The following WDR26 variants were observed in gnomAD, a reference collection of about 807,000 sequenced individuals.
WDR26 encodes WD repeat-containing protein 26.
A neutral mutation model predicts 84.1 loss-of-function variants in WDR26; 5 were observed. That is an observed-to-expected ratio of 0.06 (90% CI 0.03 to 0.13). The LOEUF is 0.13. Among genes scored for constraint, WDR26 ranks in the 10% least tolerant of loss-of-function variants. WDR26 has a pLI of 1.00. For missense variants in WDR26, 642 were observed against 974.9 expected, an observed-to-expected ratio of 0.66 and a Z score of 4.55; for synonymous variants, 415 against 389.6, an observed-to-expected ratio of 1.07 and a Z score of -0.77.
At chr1:224,407,151 A>AAAAAAAAAAAAATATATATATAT in intron 7 of WDR26, among the ~76,000 whole-genome samples, 2 of 11,874 alleles carry the variant, frequency 1.7e-4, no homozygotes, top group Non-Finnish European at 2.8e-4. Context: ...AAAAAAAAAA[A>AAAAAAAAAAAAATATATATATAT]ATATATATAT....
intron 4 of WDR26, 92 bp downstream of exon 4, chr1:224,424,426 G>A: frequency 6.7e-7 from 1 of 1,492,550 alleles, no homozygotes; most frequent in African/African-American, 1.4e-5. Flanking sequence ...TAAGAATTTA[G>A]CAATAATCAA....
intron 6 of WDR26, chr1:224,413,333 A>G: frequency 8.0e-7 from 1 of 1,243,792 alleles, no homozygotes; most frequent in Non-Finnish European, 1.0e-6. Context: ...TCAATTCACC[A>G]GTCTGAAACA....
At chr1:224,429,426 G>C (rs903373792) in intron 3 of WDR26, 1 of 152,012 alleles carries the variant, frequency 6.6e-6, no homozygotes, top group Non-Finnish European at 1.5e-5. Context: ...AAATAATTAC[G>C]TTTAAAGAAA....
At chr1:224,409,499 T>C (rs1168513128) in intron 7 of WDR26, among the ~76,000 whole-genome samples, 2 of 152,238 alleles carry the variant, frequency 1.3e-5, no homozygotes, top group Non-Finnish European at 2.9e-5. Flanking sequence ...CTTATTTACC[T>C]TTCATTGTTT....
rs566109435 is a variant in WDR26 at position 224,415,426 on chromosome 1, A to AAAC, written c.1319+2831_1319+2833dup. 4.6e-5 allele frequency among the ~76,000 whole-genome samples: 7 copies of AAAC among 151,296 alleles called. No homozygotes were observed. The South Asian group carries it at 1.0e-3, about 23-fold the overall frequency. On this transcript the variant is annotated intron_variant, in intron 6 of 13. Coordinates refer to ENST00000414423, the MANE Select transcript of WDR26 (RefSeq NM_001379403.1). ...GAAGTATAACTAAGGATGAGGGAAGAAACAATTCTGGAACACGTATTTCTT... is the reference window on the plus strand; with the variant it reads ...GAAGTATAACTAAGGATGAGGGAAGAAACAACAATTCTGGAACACGTATTTCTT...
chr1:224,419,660 T>C, intron 4 of WDR26, 45 bp from the exon 5 acceptor site: 2 of 1,460,206 alleles, frequency 1.4e-6, no homozygotes, highest in Non-Finnish European at 9.6e-7. Flanking sequence ...ACCCATTTCT[T>C]TGTAATAAAT....
chr1:224,433,400 G>A (rs1338481598), intron 1 of WDR26, among the ~76,000 whole-genome samples: 4 of 152,090 alleles, frequency 2.6e-5, no homozygotes, highest in African/African-American at 9.7e-5. Flanking sequence ...GTGGGGAGAA[G>A]TCATTCTTTG....
At chr1:224,414,526 T>G (rs933452634) in intron 6 of WDR26, among the ~76,000 whole-genome samples, 6 of 152,182 alleles carry the variant, frequency 3.9e-5, no homozygotes, top group African/African-American at 1.4e-4. Context: ...AATTCTTTAT[T>G]CTCCAGAAAA....
intron 4 of WDR26, among the ~76,000 whole-genome samples, chr1:224,423,828 G>A (rs188823650): frequency 2.0e-5 from 3 of 152,302 alleles, no homozygotes; most frequent in East Asian, 3.9e-4. Context: ...AGAGCCACTG[G>A]TATACAGATA....
chr1:224,400,505 C>T (rs367786069), intron 9 of WDR26, among the ~76,000 whole-genome samples: 3 of 152,072 alleles, frequency 2.0e-5, no homozygotes, highest in Non-Finnish European at 2.9e-5. Context: ...CGCTTGTCTA[C>T]GACGACAGCA....
At chr1:224,417,958 T>C (rs905104648) in intron 6 of WDR26, among the ~76,000 whole-genome samples, 5 of 152,198 alleles carry the variant, frequency 3.3e-5, no homozygotes, top group African/African-American at 1.2e-4. Flanking sequence ...AGTATTACCA[T>C]GATCTTTATG....
At chr1:224,412,236 A>G (rs572124948) in intron 6 of WDR26, among the ~76,000 whole-genome samples, 5 of 152,296 alleles carry the variant, frequency 3.3e-5, no homozygotes, top group African/African-American at 1.2e-4. Flanking sequence ...GATTAATAAT[A>G]TTTGGGGGGA....
intron 7 of WDR26, 39 bp downstream of exon 7, chr1:224,411,387 TC>T: frequency 6.5e-7 from 1 of 1,548,104 alleles, no homozygotes; most frequent in Non-Finnish European, 8.7e-7. Context: ...TTCAAAATTA[TC>T]CCCTTTTGTA....
chr1:224,385,270 T>C lies in WDR26; in HGVS notation c.*4565A>G, dbSNP rs1672956398. The stretch of plus-strand genomic sequence containing the variant: ...TCCCAGTAAAGCAAATCAAAGTTAA[T>C]GTAGTTTCAGTTGAACAAAAATTTA... On this transcript the variant is annotated 3_prime_UTR_variant, in exon 14 of 14. Coordinates refer to ENST00000414423, the MANE Select transcript of WDR26 (RefSeq NM_001379403.1). 1 of 152,208 alleles carries C rather than the reference T, an allele frequency of 6.6e-6. No homozygotes were observed. The highest frequency in any genetic ancestry group is 2.4e-5 in the African/African-American group (1 of 41,452). 9.4% of individuals were successfully genotyped at this position (152,208 alleles called of 1,614,324 possible). A position where few individuals can be genotyped will look rare whatever the true frequency, so the allele number is the denominator to read the frequency against.
At chr1:224,416,353 G>A (rs1216394780) in intron 6 of WDR26, among the ~76,000 whole-genome samples, 2 of 151,644 alleles carry the variant, frequency 1.3e-5, no homozygotes, top group African/African-American at 4.8e-5. Context: ...TCAGCCTCCC[G>A]AGTAGCTGGG....
chr1:224,407,119 C>CT (rs1479520543), intron 7 of WDR26, among the ~76,000 whole-genome samples: 3 of 14,952 alleles, frequency 2.0e-4, no homozygotes, highest in African/African-American at 4.6e-4. Context: ...GAGACTCTGT[C>CT]TTTAAAAAAA....
intron 9 of WDR26, 21 bp downstream of exon 9, chr1:224,400,929 A>G: frequency 6.2e-7 from 1 of 1,607,072 alleles, no homozygotes; most frequent in African/African-American, 1.3e-5. Context: ...AGATACTGGG[A>G]AGGGGGCACT....
At chr1:224,426,397 C>A (rs1236798783) in intron 3 of WDR26, among the ~76,000 whole-genome samples, 2 of 152,066 alleles carry the variant, frequency 1.3e-5, no homozygotes, top group Non-Finnish European at 2.9e-5. Context: ...AGATACATTT[C>A]TTTTGCTTGA....
intron 7 of WDR26, among the ~76,000 whole-genome samples, chr1:224,404,836 T>C (rs987905290): frequency 6.6e-6 from 1 of 152,194 alleles, no homozygotes; most frequent in African/African-American, 2.4e-5. Context: ...ATTTTTAATA[T>C]ATGTATAAAG....
Sources: gnomAD v4.1 joint callset for allele counts (sites outside exome capture counted in the v4.1 genomes callset) on GRCh38, gnomAD v4.1.1 for gene constraint, MANE v1.5 for transcripts, NCBI Gene and HGNC (gene_info 2026-07-23, HGNC 2026-07-21) for gene names.